The following ADGRL4 variants were observed in gnomAD, a reference collection of about 807,000 sequenced individuals.
ADGRL4 encodes EGF, latrophilin and seven transmembrane domain containing 1.
ADGRL4 carries 90 observed loss-of-function variants against 74.8 expected under a neutral mutation model. That is an observed-to-expected ratio of 1.20 (90% CI 1.02 to 1.43). The LOEUF is 1.43. Ranked by LOEUF, ADGRL4 falls within the 40% of genes most tolerant of loss-of-function variation. The probability of loss-of-function intolerance (pLI) is 0.00; values close to 1 mark genes in which losing one functional copy is unlikely to be tolerated. For synonymous variants in ADGRL4, 311 were observed against 279.2 expected, an observed-to-expected ratio of 1.11 and a Z score of -1.14; for missense variants, 881 against 814.3, an observed-to-expected ratio of 1.08 and a Z score of -1.00.
intron 2 of ADGRL4, among the ~76,000 whole-genome samples, chr1:79,004,340 T>A (rs774235999): frequency 1.3e-5 from 2 of 152,044 alleles, no homozygotes; most frequent in Non-Finnish European, 2.9e-5. Flanking sequence ...TTACTGAAAA[T>A]GAATTTAAAA....
intron 3 of ADGRL4, among the ~76,000 whole-genome samples, chr1:78,945,120 G>A (rs535588324): frequency 6.6e-4 from 96 of 146,022 alleles, no homozygotes; most frequent in African/African-American, 2.1e-3. Flanking sequence ...AGCCGAGATC[G>A]CACCACTGCA....
At chr1:78,976,566 A>C (rs1011863260) in intron 2 of ADGRL4, among the ~76,000 whole-genome samples, 8 of 151,800 alleles carry the variant, frequency 5.3e-5, no homozygotes, top group African/African-American at 1.7e-4. Flanking sequence ...TTATATTTTT[A>C]AATGATTACA....
intron 2 of ADGRL4, among the ~76,000 whole-genome samples, chr1:78,977,651 A>G (rs1265046128): frequency 1.3e-5 from 2 of 151,954 alleles, no homozygotes; most frequent in Admixed American, 1.3e-4. Context: ...AGAGATCCAC[A>G]TGCAAATTGT....
intron 3 of ADGRL4, among the ~76,000 whole-genome samples, chr1:78,940,491 TTTAC>T (rs1388239266): frequency 6.6e-6 from 1 of 152,118 alleles, no homozygotes; most frequent in Non-Finnish European, 1.5e-5. Flanking sequence ...AATTTAAAAC[TTTAC>T]TTACTACAGT....
chr1:78,901,397 G>T (rs973645977), intron 12 of ADGRL4, among the ~76,000 whole-genome samples: 3 of 152,102 alleles, frequency 2.0e-5, no homozygotes, highest in Admixed American at 1.3e-4. Flanking sequence ...TCCAACTATT[G>T]TGGAGACTGA....
chr1:78,917,633 C>A lies in ADGRL4; in HGVS notation c.1749+1G>T. 3 of 1,588,962 alleles carry A rather than the reference C, an allele frequency of 1.9e-6. No homozygotes were observed. Among genetic ancestry groups the A allele is most frequent in the Non-Finnish European group, 2.6e-6 (3 of 1,165,260 alleles). On this transcript the variant is annotated splice_donor_variant, in intron 12 of 14. Coordinates refer to ENST00000370742, the MANE Select transcript of ADGRL4 (RefSeq NM_022159.4). LOFTEE classifies it high-confidence loss of function. ...GTAATAACAATTTTATATATACATA[C>A]AAGAATGATTAGGCATGCTGGTCCT...
intron 2 of ADGRL4, among the ~76,000 whole-genome samples, chr1:78,955,728 C>T (rs537716310): frequency 6.6e-6 from 1 of 152,004 alleles, no homozygotes; most frequent in East Asian, 1.9e-4. Flanking sequence ...TCAAAATACA[C>T]TAATTTACTT....
At chr1:79,005,015 C>A (rs1054125595) in intron 2 of ADGRL4, 55 bp downstream of exon 2, 2 of 1,497,418 alleles carry the variant, frequency 1.3e-6, no homozygotes, top group Non-Finnish European at 1.8e-6. Flanking sequence ...AAAAGCAGTC[C>A]CATCAGAATT....
Position 78,927,062 on chromosome 1 carries a change from T to C in ADGRL4, c.907A>G (p.Lys303Glu), listed in dbSNP as rs376746737. 6.2e-7 allele frequency: 1 copy of C among 1,604,698 alleles called. No homozygotes were observed. Among genetic ancestry groups the C allele is most frequent in the Non-Finnish European group, 8.5e-7 (1 of 1,173,378 alleles). ...GNVAVAFVYY[K>E]SIGPLLSSSD... is the part of the protein sequence containing the mutation. The stretch of plus-strand genomic sequence containing the variant: ...GATGAAAGCAAAGGACCAATACTCT[T>C]ATAATATACAAATGCAACTGCAACA... Residue 303 changes from lysine to glutamate, a missense_variant, in exon 8 of 15, where the codon AAG becomes GAG. Coordinates refer to ENST00000370742, the MANE Select transcript of ADGRL4 (RefSeq NM_022159.4).
intron 9 of ADGRL4, 135 bp from the exon 10 acceptor site, chr1:78,920,521 C>T (rs1269657437): frequency 4.8e-6 from 3 of 623,294 alleles, no homozygotes; most frequent in Non-Finnish European, 8.0e-6. Context: ...TATAAATGTG[C>T]ATTTAGATGA....
rs1649686393 is a variant in ADGRL4 at position 78,949,910 on chromosome 1, A to T, written c.173-3484T>A. Among the ~76,000 whole-genome samples, 3 of 152,188 alleles carry T rather than the reference A, an allele frequency of 2.0e-5. No homozygotes were observed. In the South Asian group the frequency reaches 6.2e-4, roughly 31 times the overall value. ...AAGGAAAAATATTTGGTATTCTCTG[A>T]TAAAAAATTCTTCCTCGTTCACCTC... On this transcript the variant is annotated intron_variant, in intron 2 of 14. Transcript: ENST00000370742.
Position 78,937,794 on chromosome 1 carries a change from C to A in ADGRL4, c.760+13G>T. On this transcript the variant is annotated intron_variant, in intron 6 of 14. Coordinates refer to ENST00000370742, the MANE Select transcript of ADGRL4 (RefSeq NM_022159.4). ...AAAACACAATTACTTTTAAATGGACCCTTGTTTCTTACCTATATCCGTTGA... is the reference window on the plus strand; with the variant it reads ...AAAACACAATTACTTTTAAATGGACACTTGTTTCTTACCTATATCCGTTGA... The A allele has an allele frequency of 1.3e-6, 2 of 1,596,376 alleles. No individual in the cohort carries two copies. Among genetic ancestry groups the A allele is most frequent in the Non-Finnish European group, 1.7e-6 (2 of 1,174,672 alleles).
chr1:78,895,855 A>G (rs2100650671), intron 12 of ADGRL4, among the ~76,000 whole-genome samples: 1 of 152,208 alleles, frequency 6.6e-6, no homozygotes, highest in African/African-American at 2.4e-5. Context: ...TTCTCCTTAA[A>G]GAACCTATAG....
chr1:78,918,717 T>C (rs963342550), intron 10 of ADGRL4, among the ~76,000 whole-genome samples: 1 of 151,816 alleles, frequency 6.6e-6, no homozygotes, highest in Admixed American at 6.6e-5. Flanking sequence ...TAAAGGTATG[T>C]ATCATGGGAG....
intron 12 of ADGRL4, among the ~76,000 whole-genome samples, chr1:78,911,983 A>G (rs2100663533): frequency 6.6e-6 from 1 of 151,924 alleles, no homozygotes; most frequent in African/African-American, 2.4e-5. Context: ...CAATTAAAAT[A>G]TACACATAAT....
At chr1:78,982,765 T>C (rs143143861) in intron 2 of ADGRL4, among the ~76,000 whole-genome samples, 247 of 151,762 alleles carry the variant, frequency 1.6e-3, no homozygotes, top group African/African-American at 5.6e-3. Flanking sequence ...AATAGAAAGA[T>C]AAAAATTAGG....
rs1361883314 is a variant in ADGRL4 at position 78,938,365 on chromosome 1, C to T, written c.397-86G>A. Reference sequence around the variant, plus strand: ...ATAAAACTTACATGTTAAATTTACCCTGAGGTTGGTTTCCTTGGTCTACAC... The same window carrying T: ...ATAAAACTTACATGTTAAATTTACCTTGAGGTTGGTTTCCTTGGTCTACAC... On this transcript the variant is annotated intron_variant, in intron 4 of 14. Coordinates refer to ENST00000370742, the MANE Select transcript of ADGRL4 (RefSeq NM_022159.4). 5 of 1,169,520 alleles carry T rather than the reference C, an allele frequency of 4.3e-6. No homozygotes were observed. The South Asian group carries it at 7.4e-5, about 17-fold the overall frequency. The allele number at this position is 1,169,520 out of a possible 1,614,324, so 72.4% of individuals were successfully genotyped here.
intron 2 of ADGRL4, among the ~76,000 whole-genome samples, chr1:79,003,290 T>G (rs959251104): frequency 2.6e-5 from 4 of 151,868 alleles, no homozygotes; most frequent in Non-Finnish European, 5.9e-5. Flanking sequence ...GTCAGTGAAT[T>G]AATAAAAGGT....
chr1:78,973,304 A>G, intron 2 of ADGRL4, among the ~76,000 whole-genome samples: 2 of 152,060 alleles, frequency 1.3e-5, no homozygotes, highest in Middle Eastern at 6.8e-3. Context: ...TATAAGCTAT[A>G]CTACTGTATA....
Sources: allele counts gnomAD v4.1 joint callset (sites outside exome capture counted in the v4.1 genomes callset), GRCh38; gene constraint gnomAD v4.1.1; transcripts MANE v1.5; gene names NCBI Gene and HGNC (gene_info 2026-07-23, HGNC 2026-07-21).